Variants in RYR3 observed in about 807,000 individuals in gnomAD.
The protein encoded by RYR3 is brain ryanodine receptor-calcium release channel.
RYR3 carries 207 observed loss-of-function variants against 584.3 expected under a neutral mutation model. That is an observed-to-expected ratio of 0.35 (90% CI 0.32 to 0.40). RYR3 has a LOEUF of 0.40. Among genes scored for constraint, RYR3 ranks in the 10% least tolerant of loss-of-function variants. The pLI, the probability that RYR3 is intolerant of heterozygous loss-of-function variation, is 1.00. For missense variants in RYR3, 5,616 were observed against 6,089.2 expected (o/e 0.92, Z 2.59); for synonymous variants, 2,416 against 2,248.5 (o/e 1.07, Z -2.11).
chr15:33,398,008 A>G (rs925959969), intron 1 of RYR3, among the ~76,000 whole-genome samples: 41 of 152,202 alleles, frequency 2.7e-4, no homozygotes, highest in African/African-American at 9.2e-4. Context: ...TTTAGTTTAC[A>G]AATATCACAA....
Position 33,771,953 on chromosome 15 carries a change from G to T in RYR3, c.8850G>T (p.Lys2950Asn). The T allele has an allele frequency of 6.2e-7, 1 of 1,613,126 alleles. No individual in the cohort carries two copies. Among genetic ancestry groups the T allele is most frequent in the South Asian group, 1.1e-5 (1 of 90,682 alleles). ...TGAAGTCAGGCTCAGAGCTGGTGAA[G>T]GCTGGGTTACGAGCATTCTTTGAAA... Reference protein sequence around the residue: ...TVMKSGSELVKAGLRAFFENA... With the variant: ...TVMKSGSELVNAGLRAFFENA... Residue 2950 changes from lysine to asparagine, a missense_variant, in exon 63 of 104, where the codon AAG (lysine) becomes AAT (asparagine). Lys to Asn is a moderately conservative substitution (Grantham distance 94). This residue lies in a region of RYR3 where 1,280 missense variants were observed against 1,426.2 expected (regional missense o/e 0.90). Transcript: ENST00000634891.
In RYR3 at chr15:33,807,569, G is replaced by A. The variant is rs1314620392; in HGVS notation, c.10026G>A (p.Lys3342=). Reference sequence around the variant, plus strand: ...TTTCCACACAGGCCATGCAAGTAAAGGTACAGGTCAAATGCATGACGTGTC... The same window carrying A: ...TTTCCACACAGGCCATGCAAGTAAAAGTACAGGTCAAATGCATGACGTGTC... ...KSKMSKAMQV[K]SGGQDQERKK... Residue 3342 remains lysine (K), a splice_region_variant and synonymous_variant, in exon 70 of 104, where the codon AAG becomes AAA. Coordinates refer to ENST00000634891, the MANE Select transcript of RYR3 (RefSeq NM_001036.6). 1 of 1,551,840 alleles carries A rather than the reference G, an allele frequency of 6.4e-7. No homozygotes were observed.
At chr15:33,840,785 T>G in intron 89 of RYR3, 40 bp from the exon 90 acceptor site, 1 of 1,604,284 alleles carries the variant, frequency 6.2e-7, no homozygotes, top group Non-Finnish European at 8.5e-7. Context: ...ATGACCTCGC[T>G]TCTTTGAGGA....
intron 99 of RYR3, chr15:33,859,010 CTTTCTCTGTGAGTCTAATCA>C (rs141678040): frequency 0.033 from 4,986 of 153,044 alleles, 163 homozygotes; most frequent in Non-Finnish European, 0.039. Flanking sequence ...TAAGACGGTC[CTTTCTCTGTGAGTCTAATCA>C]ACCCATCAGG....
At chr15:33,450,087 T>TAAAAAAG (rs2046990391) in intron 1 of RYR3, among the ~76,000 whole-genome samples, 1 of 67,340 alleles carries the variant, frequency 1.5e-5, no homozygotes, top group Non-Finnish European at 2.7e-5. Context: ...CATTAATACC[T>TAAAAAAG]AAAAAAAAAA....
chr15:33,464,503 T>TGC lies in RYR3; in HGVS notation c.52-8916_52-8915insGC, dbSNP rs2048325981. Among the ~76,000 whole-genome samples the TGC allele has an allele frequency of 3.0e-3, 320 of 105,938 alleles. 4 individuals are homozygous for TGC. Among genetic ancestry groups the TGC allele is most frequent in the African/African-American group, 0.01 (299 of 29,808 alleles). The allele number at this position is 105,938 out of a possible 152,430, so 69.5% of individuals were successfully genotyped here. A position where few individuals can be genotyped will look rare whatever the true frequency, so the allele number is the denominator to read the frequency against. ...ATATATATATATACACATATATATA[T>TGC]ACATACACATACACATATATGTACA... On this transcript the variant is annotated intron_variant, in intron 1 of 103. Coordinates refer to ENST00000634891, the MANE Select transcript of RYR3 (RefSeq NM_001036.6).
intron 62 of RYR3, among the ~76,000 whole-genome samples, chr15:33,769,958 A>G (rs2073430792): frequency 1.3e-5 from 2 of 151,444 alleles, no homozygotes; most frequent in African/African-American, 4.8e-5. Flanking sequence ...TAAAAAATAT[A>G]TATAAATAAG....
intron 27 of RYR3, among the ~76,000 whole-genome samples, chr15:33,637,711 C>T (rs1294472910): frequency 1.3e-5 from 2 of 152,138 alleles, no homozygotes; most frequent in South Asian, 2.1e-4. Context: ...CTTTACAGAG[C>T]GTTTTTAGCT....
At chr15:33,627,546 C>T (rs2061056271) in intron 20 of RYR3, among the ~76,000 whole-genome samples, 1 of 152,096 alleles carries the variant, frequency 6.6e-6, no homozygotes, top group Non-Finnish European at 1.5e-5. Context: ...GTTAAGGTTG[C>T]ATATGCAAGG....
At position 33,662,390 on chromosome 15, in the gene RYR3, G is replaced by A. The variant is rs374227816; in HGVS notation, c.4860G>A (p.Glu1620=). Residue 1620 remains glutamate (E), a synonymous_variant, in exon 35 of 104, where the codon GAG becomes GAA. Coordinates refer to ENST00000634891, the MANE Select transcript of RYR3 (RefSeq NM_001036.6). ...LISIHLASAK[E]RKLMMKNEYI... is the part of the protein sequence containing the mutation. ...GCATCCACCTGGCCAGCGCCAAGGAGAGGAAGCTGATGATGAAGAACGAGT... is the reference window on the plus strand; with the variant it reads ...GCATCCACCTGGCCAGCGCCAAGGAAAGGAAGCTGATGATGAAGAACGAGT... The A allele has an allele frequency of 5.0e-6, 8 of 1,613,620 alleles. No homozygotes were observed. Among genetic ancestry groups the A allele is most frequent in the Non-Finnish European group, 6.8e-6 (8 of 1,179,774 alleles).
chr15:33,595,666 G>A (rs1338078728), intron 16 of RYR3, among the ~76,000 whole-genome samples: 1 of 152,136 alleles, frequency 6.6e-6, no homozygotes, highest in Non-Finnish European at 1.5e-5. Context: ...TATCGGGCCT[G>A]AAGATGAGCC....
At chr15:33,660,704 G>A (rs1175035260) in intron 34 of RYR3, among the ~76,000 whole-genome samples, 1 of 152,202 alleles carries the variant, frequency 6.6e-6, no homozygotes, top group Non-Finnish European at 1.5e-5. Context: ...AGTTTACCTT[G>A]AAATATGCAT....
In RYR3 at chr15:33,435,739, C is replaced by A. The variant is rs115573846; in HGVS notation, c.52-37680C>A. On this transcript the variant is annotated intron_variant, in intron 1 of 103. Transcript: ENST00000634891. ...GGTAGGTTCCTGGTCTCACTGACTTCAGAGATGAAGCTGCAGACCCTCGCA... is the reference window on the plus strand; with the variant it reads ...GGTAGGTTCCTGGTCTCACTGACTTAAGAGATGAAGCTGCAGACCCTCGCA... Among the ~76,000 whole-genome samples the A allele has an allele frequency of 2.0e-5, 3 of 152,202 alleles. No homozygotes were observed. In the South Asian group the frequency reaches 6.2e-4, roughly 32 times the overall value.
intron 47 of RYR3, among the ~76,000 whole-genome samples, 195 bp from the exon 48 acceptor site, chr15:33,731,279 T>C (rs897654084): frequency 2.6e-5 from 4 of 152,090 alleles, no homozygotes; most frequent in Admixed American, 2.0e-4. Context: ...TTCTTTCTTT[T>C]AACTTGATTT....
intron 69 of RYR3, among the ~76,000 whole-genome samples, chr15:33,805,642 T>A (rs573110190): frequency 1.3e-5 from 2 of 151,560 alleles, no homozygotes; most frequent in Non-Finnish European, 2.9e-5. Context: ...CACGCCCGGC[T>A]AATTTTTTGT....
Position 33,550,256 on chromosome 15 carries a change from A to G in RYR3, c.912A>G (p.Ile304Met), listed in dbSNP as rs760922090. 6.2e-7 allele frequency: 1 copy of G among 1,613,762 alleles called. No homozygotes were observed. The highest frequency in any genetic ancestry group is 8.5e-7 in the Non-Finnish European group (1 of 1,179,780). Reference protein sequence around the residue: ...YLALTEDQGLILQDRAKSDTK... With the variant: ...YLALTEDQGLMLQDRAKSDTK... Reference sequence around the variant, plus strand: ...CCTTGACAGAAGACCAAGGCCTTATACTGCAAGACCGGGCAAAGTCAGACA... The same window carrying G: ...CCTTGACAGAAGACCAAGGCCTTATGCTGCAAGACCGGGCAAAGTCAGACA... Residue 304 changes from isoleucine (I) to methionine (M), a missense_variant, in exon 10 of 104, where the codon ATA becomes ATG. Coordinates refer to ENST00000634891, the MANE Select transcript of RYR3 (RefSeq NM_001036.6).
At chr15:33,318,782 C>A (rs1968549066) in intron 1 of RYR3, among the ~76,000 whole-genome samples, 3 of 152,156 alleles carry the variant, frequency 2.0e-5, no homozygotes, top group Admixed American at 6.5e-5. Context: ...TTAAATAATT[C>A]ATAATCAGAG....
intron 18 of RYR3, among the ~76,000 whole-genome samples, chr15:33,605,231 A>G (rs2059850242): frequency 6.6e-6 from 1 of 152,236 alleles, no homozygotes; most frequent in African/African-American, 2.4e-5. Flanking sequence ...GAATGAATAC[A>G]TCAGTGAGTC....
chr15:33,340,438 C>T (rs8042460), intron 1 of RYR3, among the ~76,000 whole-genome samples: 53,112 of 152,060 alleles, frequency 0.35, 9,528 homozygotes, highest in East Asian at 0.52. Flanking sequence ...GAAGACATGG[C>T]GTGTTAGCCT....
Sources: gnomAD v4.1 joint callset for allele counts (sites outside exome capture counted in the v4.1 genomes callset) on GRCh38, gnomAD v4.1.1 for gene constraint, gnomAD v4.1.1 regional missense constraint, MANE v1.5 for transcripts, NCBI Gene and HGNC (gene_info 2026-07-23, HGNC 2026-07-21) for gene names.